MDN1: variants seen among roughly 807,000 people sequenced by gnomAD.
The protein encoded by MDN1 is midasin AAA ATPase 1.
MDN1 carries 266 observed loss-of-function variants against 669.2 expected under a neutral mutation model. The ratio of observed to expected loss-of-function variants is 0.40; its 90% confidence interval spans 0.36 to 0.44. The LOEUF is 0.44. Among genes scored for constraint, MDN1 ranks in the 20% least tolerant of loss-of-function variants. The pLI, the probability that MDN1 is intolerant of heterozygous loss-of-function variation, is 1.00. For missense variants in MDN1, 5,940 were observed against 6,754.0 expected (o/e 0.88, Z 4.22); for synonymous variants, 2,385 against 2,457.1 (o/e 0.97, Z 0.87).
At chr6:89,717,263 G>A (rs1212058965) in intron 43 of MDN1, among the ~76,000 whole-genome samples, 2 of 152,078 alleles carry the variant, frequency 1.3e-5, no homozygotes, top group South Asian at 2.1e-4. Context: ...CCCTTCCCTC[G>A]AAATTTTTCA....
rs1341241693 is a variant in MDN1 at position 89,692,624 on chromosome 6, C to T, written c.10406G>A (p.Arg3469Gln). The change falls in exon 63 of 102, where the codon CGA becomes CAA. Residue 3469 changes from arginine to glutamine, a missense_variant. By Grantham distance (43) the Arg-to-Gln change is conservative. This residue lies in a region of MDN1 where 150 missense variants were observed against 234.2 expected (regional missense o/e 0.64). Coordinates refer to ENST00000369393, the MANE Select transcript of MDN1 (RefSeq NM_014611.3). ...LCSVKSEEVL[R>Q]GLGKLILKRS... ...CTTGAGGATTAGCTTCCCAAGGCCT[C>T]GTAGAACCTCCTCAGACTTCACCGA... 1.5e-5 allele frequency: 24 copies of T among 1,614,092 alleles called. No homozygotes were observed. Among genetic ancestry groups the T allele is most frequent in the Non-Finnish European group, 1.9e-5 (22 of 1,180,040 alleles).
At chr6:89,749,164 G>A in intron 26 of MDN1, 59 bp downstream of exon 26, 1 of 1,445,786 alleles carries the variant, frequency 6.9e-7, no homozygotes, top group Non-Finnish European at 9.3e-7. Context: ...TCTAACAAAA[G>A]AAGCCATGAA....
In MDN1 at chr6:89,672,288, A is replaced by G; in HGVS notation, c.13706T>C (p.Leu4569Ser). Reference protein sequence around the residue: ...EDDFWADVSTLHVQKIISAIS... With the variant: ...EDDFWADVSTSHVQKIISAIS... ...GGCAGAAATTATTTTCTGCACGTGCAAAGTGCTCACATCGGCCCAGAAGTC... is the reference window on the plus strand; with the variant it reads ...GGCAGAAATTATTTTCTGCACGTGCGAAGTGCTCACATCGGCCCAGAAGTC... Residue 4569 changes from leucine to serine, a missense_variant, in exon 82 of 102, where the codon TTG (leucine) becomes TCG (serine). By Grantham distance (145) the Leu-to-Ser change is moderately radical (BLOSUM62 -2). Coordinates refer to ENST00000369393, the MANE Select transcript of MDN1 (RefSeq NM_014611.3). 4.3e-6 allele frequency: 7 copies of G among 1,613,078 alleles called. No homozygotes were observed. Among genetic ancestry groups the G allele is most frequent in the Non-Finnish European group, 5.9e-6 (7 of 1,179,820 alleles).
intron 53 of MDN1, among the ~76,000 whole-genome samples, chr6:89,704,478 A>G (rs1317937446): frequency 1.3e-5 from 2 of 152,252 alleles, no homozygotes; most frequent in Non-Finnish European, 2.9e-5. Context: ...TTACTTATTT[A>G]TATTGAAGAA....
intron 11 of MDN1, among the ~76,000 whole-genome samples, chr6:89,779,454 T>C (rs962277960): frequency 1.3e-5 from 2 of 152,102 alleles, no homozygotes; most frequent in Non-Finnish European, 2.9e-5. Context: ...ACCACCCTCA[T>C]CAGAAACCCA....
Position 89,700,213 on chromosome 6 carries a change from T to C in MDN1, c.8720A>G (p.His2907Arg). The change falls in exon 57 of 102, where the codon CAT becomes CGT. Residue 2907 changes from histidine to arginine, a missense_variant. By Grantham distance (29) the His-to-Arg change is conservative. Coordinates refer to ENST00000369393, the MANE Select transcript of MDN1 (RefSeq NM_014611.3). ...GLSLGFLEKK[H>R]DEASSLSHPD... Reference sequence around the variant, plus strand: ...ATGGGACAGGGAGGAAGCTTCATCATGCTTTTTCTCCAGAAAACCAAGTGA... The same window carrying C: ...ATGGGACAGGGAGGAAGCTTCATCACGCTTTTTCTCCAGAAAACCAAGTGA... 1.2e-6 allele frequency: 2 copies of C among 1,614,212 alleles called. No individual in the cohort carries two copies. The highest frequency in any genetic ancestry group is 1.3e-5 in the African/African-American group (1 of 75,054).
At position 89,643,975 on chromosome 6, in the gene MDN1, T is replaced by A. The variant is rs1480228282; in HGVS notation, c.*30A>T. 6.4e-6 allele frequency: 10 copies of A among 1,552,264 alleles called. No individual in the cohort carries two copies. The Admixed American group carries it at 1.3e-4, about 21-fold the overall frequency. On this transcript the variant is annotated 3_prime_UTR_variant, in exon 102 of 102. Transcript: ENST00000369393. ...AGCAATGTGACCTTCTGACCACAGTTAAGTCTCACTTTGGACTCTTCTTTC... is the reference window on the plus strand; with the variant it reads ...AGCAATGTGACCTTCTGACCACAGTAAAGTCTCACTTTGGACTCTTCTTTC...
At position 89,687,394 on chromosome 6, in the gene MDN1, A is replaced by G. The variant is rs115816027; in HGVS notation, c.11400T>C (p.His3800=). ...TGATCATCTGACTGATCAAATCAAG[A>G]TGTTTCCGCAAAGACAAAGCTCGAC... The part of the protein sequence containing the change: ...NASRALSLRK[H]LDLISQMIIR... The change falls in exon 68 of 102, where the codon CAT becomes CAC. Residue 3800 remains histidine, a synonymous_variant. Coordinates refer to ENST00000369393, the MANE Select transcript of MDN1 (RefSeq NM_014611.3). 55 of 1,614,152 alleles carry G rather than the reference A, an allele frequency of 3.4e-5. No homozygotes were observed. The East Asian group carries it at 1.1e-3, about 33-fold the overall frequency.
At chr6:89,738,689 T>C (rs2128316526) in intron 32 of MDN1, among the ~76,000 whole-genome samples, 1 of 152,314 alleles carries the variant, frequency 6.6e-6, no homozygotes, top group South Asian at 2.1e-4. Context: ...CCAGAGGCCT[T>C]ACAGACTAAG....
In MDN1 at chr6:89,794,634, A is replaced by G; in HGVS notation, c.497T>C (p.Leu166Pro). 6.2e-7 allele frequency: 1 copy of G among 1,613,940 alleles called. No homozygotes were observed. The highest frequency in any genetic ancestry group is 8.5e-7 in the Non-Finnish European group (1 of 1,180,036). The change falls in exon 3 of 102, where the codon CTC becomes CCC. Residue 166 changes from leucine (L) to proline (P), a missense_variant. By Grantham distance (98) the Leu-to-Pro change is moderately conservative. Coordinates refer to ENST00000369393, the MANE Select transcript of MDN1 (RefSeq NM_014611.3). ...LQQEQSVFRE[L>P]WDWSVCVPLL... is the part of the protein sequence containing the mutation. ...AGGGACACACACACTCCAGTCCCAGAGCTCCCGGAACACAGACTGCTCCTG... is the reference window on the plus strand; with the variant it reads ...AGGGACACACACACTCCAGTCCCAGGGCTCCCGGAACACAGACTGCTCCTG...
intron 1 of MDN1, among the ~76,000 whole-genome samples, chr6:89,816,410 CG>C (rs1436936770): frequency 2.4e-5 from 3 of 127,370 alleles, no homozygotes; most frequent in Non-Finnish European, 4.9e-5. Flanking sequence ...CGTCTAGGGG[CG>C]GGGGTGAGGA....
At position 89,662,144 on chromosome 6, in the gene MDN1, T is replaced by C. The variant is rs754864252; in HGVS notation, c.14508A>G (p.Glu4836=). Residue 4836 remains glutamate, a synonymous_variant, in exon 87 of 102, where the codon GAA becomes GAG. Transcript: ENST00000369393. ...SQQDKKEEKE[E]AEADDGGQGE... Reference sequence around the variant, plus strand: ...CTTGTCCACCATCATCAGCTTCTGCTTCTTCCTTTTCTTCCTTCTTATCTT... The same window carrying C: ...CTTGTCCACCATCATCAGCTTCTGCCTCTTCCTTTTCTTCCTTCTTATCTT... 1 of 1,614,092 alleles carries C rather than the reference T, an allele frequency of 6.2e-7. No individual in the cohort carries two copies. Among genetic ancestry groups the C allele is most frequent in the South Asian group, 1.1e-5 (1 of 91,044 alleles).
chr6:89,719,042 T>C lies in MDN1; in HGVS notation c.6058-12A>G, dbSNP rs1814627504. On this transcript the variant is annotated splice_polypyrimidine_tract_variant and intron_variant, in intron 41 of 101. Coordinates refer to ENST00000369393, the MANE Select transcript of MDN1 (RefSeq NM_014611.3). ...ACTGAGTAGCCCAACTGAAAAGACA[T>C]GCCAGTGAGATTTCCATAAGCGTGC... 2 of 1,613,914 alleles carry C rather than the reference T, an allele frequency of 1.2e-6. No individual in the cohort carries two copies. Among genetic ancestry groups the C allele is most frequent in the African/African-American group, 1.3e-5 (1 of 75,014 alleles).
rs371900410 is a variant in MDN1 at position 89,689,881 on chromosome 6, T to C, written c.11012A>G (p.Tyr3671Cys). ...QTGASLVTHF[Y>C]PLMGVELNDR... ...GTAAACTACCATACCCATCAGGGGG[T>C]AGAAGTGTGTCACAAGCGATGCCCC... The change falls in exon 65 of 102, where the codon TAC becomes TGC. Residue 3671 changes from tyrosine (Y) to cysteine (C), a missense_variant. Tyr to Cys is a radical substitution (Grantham distance 194). Coordinates refer to ENST00000369393, the MANE Select transcript of MDN1 (RefSeq NM_014611.3). 18 of 1,613,780 alleles carry C rather than the reference T, an allele frequency of 1.1e-5. No homozygotes were observed. In the African/African-American group the frequency reaches 2.4e-4, roughly 22 times the overall value.
chr6:89,654,253 A>C lies in MDN1; in HGVS notation c.15572T>G (p.Met5191Arg), dbSNP rs899835976. 1.2e-6 allele frequency: 2 copies of C among 1,614,222 alleles called. No homozygotes were observed. Among genetic ancestry groups the C allele is most frequent in the Admixed American group, 3.3e-5 (2 of 60,022 alleles). The change falls in exon 93 of 102, where the codon ATG becomes AGG. Residue 5191 changes from methionine to arginine, a missense_variant. Physicochemically the swap from Met to Arg is moderately conservative, Grantham distance 91. Transcript: ENST00000369393. ...QEEEEIEDTL[M>R]DTEEQEEFKA... ...GAACTCCTCCTGCTCCTCTGTGTCC[A>C]TAAGGGTGTCCTCTATCTCCTCCTC...
At position 89,803,412 on chromosome 6, in the gene MDN1, G is replaced by A. The variant is rs772066073; in HGVS notation, c.245C>T (p.Ala82Val). The change falls in exon 2 of 102, where the codon GCT (alanine) becomes GTT (valine). Residue 82 changes from alanine (A) to valine (V), a missense_variant. Ala to Val is a moderately conservative substitution (Grantham distance 64, BLOSUM62 0). This residue lies in a region of MDN1 where 1,203 missense variants were observed against 1,268.9 expected (regional missense o/e 0.95). Transcript: ENST00000369393. ...LLERNAEAIK[A>V]GGQINHDLHE... ...CAGATCATGGTTGATTTGGCCTCCAGCTTTAATGGCTTCGGCATTCCTTTC... is the reference window on the plus strand; with the variant it reads ...CAGATCATGGTTGATTTGGCCTCCAACTTTAATGGCTTCGGCATTCCTTTC... 5.0e-6 allele frequency: 8 copies of A among 1,614,134 alleles called. No individual in the cohort carries two copies. Among genetic ancestry groups the A allele is most frequent in the Non-Finnish European group, 5.9e-6 (7 of 1,180,030 alleles).
In MDN1 at chr6:89,688,642, C is replaced by T; in HGVS notation, c.11190G>A (p.Val3730=). The T allele has an allele frequency of 1.2e-6, 2 of 1,614,144 alleles. No homozygotes were observed. Among genetic ancestry groups the T allele is most frequent in the Non-Finnish European group, 1.7e-6 (2 of 1,180,022 alleles). ...TGACAGCCTCTGAGAAACCTTGAAG[C>T]ACAGGTTGACACTGCCGTGCTTCTG... ...NVPEARQCQP[V]LQGFSEAVSH... Residue 3730 remains valine, a synonymous_variant, in exon 66 of 102, where the codon GTG becomes GTA. Transcript: ENST00000369393.
intron 56 of MDN1, 64 bp from the exon 57 acceptor site, chr6:89,700,358 A>T: frequency 7.7e-7 from 1 of 1,293,048 alleles, no homozygotes; most frequent in Non-Finnish European, 1.1e-6. Flanking sequence ...CTAGATTCTC[A>T]ACAACCTGCT....
chr6:89,649,293 A>G (rs1413013975), intron 97 of MDN1, among the ~76,000 whole-genome samples: 1 of 152,190 alleles, frequency 6.6e-6, no homozygotes, highest in Admixed American at 6.5e-5. Flanking sequence ...GTGCTTGTAA[A>G]TATATATATT....
Sources: gnomAD v4.1 joint callset for allele counts (sites outside exome capture counted in the v4.1 genomes callset) on GRCh38, gnomAD v4.1.1 for gene constraint, gnomAD v4.1.1 regional missense constraint, MANE v1.5 for transcripts, NCBI Gene and HGNC (gene_info 2026-07-23, HGNC 2026-07-21) for gene names.